CEACAM5: variants seen among roughly 807,000 people sequenced by gnomAD.
The protein encoded by CEACAM5 is cell adhesion molecule CEACAM5.
Under a neutral mutation model 63.0 loss-of-function variants are expected in CEACAM5, and 52 were observed. That is an observed-to-expected ratio of 0.83 (90% CI 0.66 to 1.04). CEACAM5 has a LOEUF of 1.04. Among genes scored for constraint, CEACAM5 ranks in the 50% least tolerant of loss-of-function variants. The pLI, the probability that CEACAM5 is intolerant of heterozygous loss-of-function variation, is 0.00. For missense variants in CEACAM5, 790 were observed against 864.8 expected (o/e 0.91, Z 1.08); for synonymous variants, 357 against 351.3 (o/e 1.02, Z -0.18).
intron 8 of CEACAM5, among the ~76,000 whole-genome samples, chr19:41,725,323 G>T (rs964380347): frequency 6.7e-6 from 1 of 149,706 alleles, no homozygotes; most frequent in African/African-American, 2.4e-5. Context: ...TATTTCTGTA[G>T]AATTTGTAGC....
intron 2 of CEACAM5, among the ~76,000 whole-genome samples, chr19:41,710,521 G>A (rs1179268288): frequency 6.6e-6 from 1 of 152,202 alleles, no homozygotes; most frequent in African/African-American, 2.4e-5. Flanking sequence ...AAGGGCTGTG[G>A]CTCCTGGAGC....
intron 8 of CEACAM5, among the ~76,000 whole-genome samples, chr19:41,722,798 A>G (rs1229399087): frequency 6.6e-6 from 1 of 152,266 alleles, no homozygotes; most frequent in African/African-American, 2.4e-5. Context: ...TGCTGTGAAC[A>G]TCAGTGTACA....
At chr19:41,714,178 C>A (rs1212653113) in intron 2 of CEACAM5, among the ~76,000 whole-genome samples, 2 of 152,042 alleles carry the variant, frequency 1.3e-5, no homozygotes, top group Non-Finnish European at 2.9e-5. Context: ...TCGTGCCTGG[C>A]CAACACAGCA....
intron 7 of CEACAM5, 129 bp from the exon 8 acceptor site, chr19:41,720,793 C>A: frequency 1.6e-6 from 2 of 1,252,810 alleles, no homozygotes; most frequent in South Asian, 1.4e-5. Flanking sequence ...AGCCACCGCA[C>A]CCGGCCGATT....
At chr19:41,728,200 A>G (rs896735855) in intron 9 of CEACAM5, among the ~76,000 whole-genome samples, 2 of 152,262 alleles carry the variant, frequency 1.3e-5, no homozygotes, top group Admixed American at 6.5e-5. Flanking sequence ...AACAGGAGAC[A>G]AAACCTGAAA....
intron 8 of CEACAM5, 100 bp downstream of exon 8, chr19:41,721,276 C>A: frequency 1.5e-6 from 2 of 1,367,138 alleles, no homozygotes; most frequent in South Asian, 1.3e-5. Flanking sequence ...AGTCTGTGTT[C>A]CATGGGCACA....
intron 9 of CEACAM5, among the ~76,000 whole-genome samples, chr19:41,728,803 A>AAAAAAAAAG (rs1230457032): frequency 6.6e-6 from 1 of 151,392 alleles, no homozygotes; most frequent in African/African-American, 2.4e-5. Context: ...AAAAAAAAAA[A>AAAAAAAAAG]AAGAATTGCC....
chr19:41,715,263 C>T lies in CEACAM5; in HGVS notation c.703+14C>T, dbSNP rs2072503575. The T allele has an allele frequency of 6.2e-7, 1 of 1,614,230 alleles. No individual in the cohort carries two copies. Among genetic ancestry groups the T allele is most frequent in the Non-Finnish European group, 8.5e-7 (1 of 1,180,036 alleles). ...TGAATGTCCTCTGTGAGTATATCTG[C>T]TCCTCTCTGGCCCAGGCTGCCAGCC... On this transcript the variant is annotated intron_variant, in intron 3 of 9. Coordinates refer to ENST00000221992, the MANE Select transcript of CEACAM5 (RefSeq NM_004363.6).
In CEACAM5 at chr19:41,715,626, GTGGCTTTA is replaced by G. The variant is rs782420494; in HGVS notation, c.704-22_704-15del. ...CCACTTCCCTCTGACAATATCACCT[GTGGCTTTA>G]TTTTGTTTGCTCCAGATGGCCCGGA... On this transcript the variant is annotated splice_polypyrimidine_tract_variant and intron_variant, in intron 3 of 9. Transcript: ENST00000221992. 1 of 1,613,628 alleles carries G rather than the reference GTGGCTTTA, an allele frequency of 6.2e-7. No homozygotes were observed. The highest frequency in any genetic ancestry group is 1.3e-5 in the African/African-American group (1 of 75,050).
intron 2 of CEACAM5, among the ~76,000 whole-genome samples, chr19:41,713,360 T>A (rs183233510): frequency 2.0e-5 from 3 of 152,208 alleles, no homozygotes; most frequent in African/African-American, 7.2e-5. Flanking sequence ...TGGAGCACTT[T>A]GGATTCCGTA....
At chr19:41,721,487 C>T (rs1038631671) in intron 8 of CEACAM5, among the ~76,000 whole-genome samples, 6 of 152,240 alleles carry the variant, frequency 3.9e-5, no homozygotes, top group African/African-American at 1.4e-4. Context: ...TCGAGTTGCT[C>T]CTCTCTATCA....
Position 41,715,889 on chromosome 19 carries a change from A to G in CEACAM5, c.943A>G (p.Thr315Ala). 6.2e-7 allele frequency: 1 copy of G among 1,614,082 alleles called. No homozygotes were observed. The highest frequency in any genetic ancestry group is 8.5e-7 in the Non-Finnish European group (1 of 1,179,956). Residue 315 changes from threonine to alanine, a missense_variant, in exon 4 of 10, where the codon ACG (threonine) becomes GCG (alanine). Coordinates refer to ENST00000221992, the MANE Select transcript of CEACAM5 (RefSeq NM_004363.6). ...TGGCCTCAATAGGACCACAGTCACGACGATCACAGTCTATGGTAAGTGGAT... is the reference window on the plus strand; with the variant it reads ...TGGCCTCAATAGGACCACAGTCACGGCGATCACAGTCTATGGTAAGTGGAT... ...DTGLNRTTVT[T>A]ITVYAEPPKP...
In CEACAM5 at chr19:41,720,935, C is replaced by A. The variant is rs901104394; in HGVS notation, c.1785C>A (p.Thr595=). The A allele has an allele frequency of 3.1e-6, 5 of 1,613,976 alleles. No individual in the cohort carries two copies. In the East Asian group the frequency reaches 6.7e-5, roughly 22 times the overall value. The change falls in exon 8 of 10, where the codon ACC becomes ACA. Residue 595 remains threonine (T), a synonymous_variant. Transcript: ENST00000221992. The stretch of plus-strand genomic sequence containing the variant: ...TCTTTGTTCCAGATGGGCCGGACAC[C>A]CCCATCATTTCCCCCCCAGACTCGT... The part of the protein sequence containing the change: ...VTLDVLYGPD[T]PIISPPDSSY...
At chr19:41,717,083 G>A (rs960114270) in intron 4 of CEACAM5, among the ~76,000 whole-genome samples, 15 of 152,226 alleles carry the variant, frequency 9.9e-5, no homozygotes, top group Non-Finnish European at 1.6e-4. Context: ...GTGTGGGACT[G>A]TGCAGCTGGA....
intron 1 of CEACAM5, among the ~76,000 whole-genome samples, chr19:41,709,002 T>A (rs2072388581): frequency 6.6e-6 from 1 of 152,252 alleles, no homozygotes; most frequent in African/African-American, 2.4e-5. Flanking sequence ...TTTTCCTAGT[T>A]AATTGTCACT....
At chr19:41,728,174 A>G (rs2072725123) in intron 9 of CEACAM5, among the ~76,000 whole-genome samples, 1 of 152,260 alleles carries the variant, frequency 6.6e-6, no homozygotes, top group Non-Finnish European at 1.5e-5. Context: ...GAAGAAGGCA[A>G]GGTCCTTAAT....
chr19:41,720,699 G>A (rs1022313176), intron 7 of CEACAM5, among the ~76,000 whole-genome samples: 4 of 151,830 alleles, frequency 2.6e-5, no homozygotes, highest in South Asian at 2.1e-4. Flanking sequence ...TAGTAGAGAC[G>A]GGGTTTCACC....
chr19:41,724,551 T>C (rs1457943536), intron 8 of CEACAM5, among the ~76,000 whole-genome samples: 1 of 152,208 alleles, frequency 6.6e-6, no homozygotes, highest in African/African-American at 2.4e-5. Flanking sequence ...GCAGCTCACT[T>C]TGAGTGGTAT....
intron 2 of CEACAM5, among the ~76,000 whole-genome samples, chr19:41,712,618 C>G (rs199905394): frequency 1.3e-5 from 2 of 152,182 alleles, no homozygotes; most frequent in Admixed American, 6.5e-5. Context: ...CGGTTCTGTC[C>G]TCTTAACAGG....
Sources: gnomAD v4.1 joint callset for allele counts (sites outside exome capture counted in the v4.1 genomes callset) on GRCh38, gnomAD v4.1.1 for gene constraint, MANE v1.5 for transcripts, NCBI Gene and HGNC (gene_info 2026-07-23, HGNC 2026-07-21) for gene names.